The following CTSF variants were observed in gnomAD, a reference collection of about 807,000 sequenced individuals.
CTSF encodes the protein cathepsin F.
A neutral mutation model predicts 63.5 loss-of-function variants in CTSF; 65 were observed. The observed-to-expected ratio is 1.02, with a 90% CI of 0.84 to 1.26. The LOEUF is 1.26. Among genes scored for constraint, CTSF ranks in the 50% most tolerant of loss-of-function variants. The probability of loss-of-function intolerance (pLI) is 0.00; values close to 1 mark genes in which losing one functional copy is unlikely to be tolerated. For synonymous variants in CTSF, 256 were observed against 258.1 expected (o/e 0.99, Z 0.08); for missense variants, 641 against 631.0 (o/e 1.02, Z -0.17).
chr11:66,568,298 G>A lies in CTSF; in HGVS notation c.189C>T (p.Gly63=). 7.3e-7 allele frequency: 1 copy of A among 1,365,524 alleles called. No homozygotes were observed. The highest frequency in any genetic ancestry group is 9.3e-7 in the Non-Finnish European group (1 of 1,071,082). The allele number at this position is 1,365,524 out of a possible 1,614,324, so 84.6% of individuals were successfully genotyped here. The stretch of plus-strand genomic sequence containing the variant: ...CCCGGCGGACGCGGCCGCGCACAAG[G>A]CCCAGCACGGCCCGCGTCCCCGCAG... The part of the protein sequence containing the change: ...GRAAGTRAVL[G]LVRGRVRRAG... Residue 63 remains glycine, a synonymous_variant, in exon 1 of 13, where the codon GGC becomes GGT. Transcript: ENST00000310325.
Position 66,567,436 on chromosome 11 carries a change from C to A in CTSF, c.531+8G>T. The A allele has an allele frequency of 6.2e-7, 1 of 1,612,338 alleles. No homozygotes were observed. Reference sequence around the variant, plus strand: ...AGCTGAGGGCTCCTCAAGCTGAGGGCTCCTCACCTGGGACAGGGGATCCTC... The same window carrying A: ...AGCTGAGGGCTCCTCAAGCTGAGGGATCCTCACCTGGGACAGGGGATCCTC... On this transcript the variant is annotated splice_region_variant and intron_variant, in intron 3 of 12. Coordinates refer to ENST00000310325, the MANE Select transcript of CTSF (RefSeq NM_003793.4).
In CTSF at chr11:66,565,945, A is replaced by T. The variant is rs201489835; in HGVS notation, c.868-18T>A. The T allele has an allele frequency of 6.2e-7, 1 of 1,614,106 alleles. No individual in the cohort carries two copies. Among genetic ancestry groups the T allele is most frequent in the East Asian group, 2.2e-5 (1 of 44,878 alleles). On this transcript the variant is annotated intron_variant, in intron 6 of 12. Transcript: ENST00000310325. ...CACATGCCCTACAAGAGATGGGTGGAGTTGGAGTCAGAGCCGGGCCCCTTC... is the reference window on the plus strand; with the variant it reads ...CACATGCCCTACAAGAGATGGGTGGTGTTGGAGTCAGAGCCGGGCCCCTTC...
chr11:66,564,299 G>A (rs1857877390), intron 11 of CTSF, 153 bp from the exon 12 acceptor site: 3 of 1,025,346 alleles, frequency 2.9e-6, no homozygotes, highest in South Asian at 3.2e-5. Context: ...ACCAGCCTCA[G>A]GGAGAAGCCC....
Position 66,564,548 on chromosome 11 carries a change from CG to C in CTSF, c.1321+9del. ...GCCTGGCTGGATGCAGGACAGGCAG[CG>C]GAACTCACGGTTGCCGTAGCCCACA... On this transcript the variant is annotated intron_variant, in intron 11 of 12. Coordinates refer to ENST00000310325, the MANE Select transcript of CTSF (RefSeq NM_003793.4). The C allele has an allele frequency of 6.5e-7, 1 of 1,540,994 alleles. No homozygotes were observed. Among genetic ancestry groups the C allele is most frequent in the South Asian group, 1.2e-5 (1 of 82,580 alleles).
rs1462090273 is a variant in CTSF, at chr11:66,563,992, G to A, written c.1396C>T (p.His466Tyr). Reference sequence around the variant, plus strand: ...ACGCCACAGGCCCCGGACCCACGATGCAAGTAGTAGTAACCCTGGGGGAGA... The same window carrying A: ...ACGCCACAGGCCCCGGACCCACGATACAAGTAGTAGTAACCCTGGGGGAGA... ...DWGEKGYYYL[H>Y]RGSGACGVNT... The change falls in exon 13 of 13, where the codon CAT becomes TAT. Residue 466 changes from histidine to tyrosine, a missense_variant. Transcript: ENST00000310325. The A allele has an allele frequency of 1.2e-6, 2 of 1,613,864 alleles. No homozygotes were observed. The highest frequency in any genetic ancestry group is 8.5e-7 in the Non-Finnish European group (1 of 1,180,008).
In CTSF at chr11:66,564,133, G is replaced by A; in HGVS notation, c.1335C>T (p.Pro445=). The A allele has an allele frequency of 6.2e-7, 1 of 1,612,444 alleles. No individual in the cohort carries two copies. Among genetic ancestry groups the A allele is most frequent in the Non-Finnish European group, 8.5e-7 (1 of 1,179,344 alleles). Residue 445 remains proline (P), a synonymous_variant, in exon 12 of 13, where the codon CCC becomes CCT. Transcript: ENST00000310325. ...CCCAGCTGTTCTTGATGGCCCAAAA[G>A]GGAACGTCAGAGCCTGGGGTGCAGT... ...LVGYGNRSDV[P]FWAIKNSWGT...
Position 66,564,824 on chromosome 11 carries a change from G to A in CTSF, c.1166-18C>T. ...TGCCAGCTCTGAGATGGGAAGGGGT[G>A]GCATCAGTAGGCACCCAGGCCCCGG... On this transcript the variant is annotated intron_variant, in intron 9 of 12. Coordinates refer to ENST00000310325, the MANE Select transcript of CTSF (RefSeq NM_003793.4). The A allele has an allele frequency of 3.7e-6, 6 of 1,614,048 alleles. No homozygotes were observed. Among genetic ancestry groups the A allele is most frequent in the Non-Finnish European group, 5.1e-6 (6 of 1,179,990 alleles).
At position 66,565,871 on chromosome 11, in the gene CTSF, C is replaced by A; in HGVS notation, c.924G>T (p.Trp308Cys). ...FSVTGNVEGQWFLNQGTLLSL... is the reference protein window; with the variant it reads ...FSVTGNVEGQCFLNQGTLLSL... ...AGAGCAGGGTCCCCTGGTTGAGAAA[C>A]CACTGGCCCTCCACATTGCCTGTGA... Residue 308 changes from tryptophan to cysteine, a missense_variant, in exon 7 of 13, where the codon TGG becomes TGT. By Grantham distance (215) the Trp-to-Cys change is radical. Transcript: ENST00000310325. The A allele has an allele frequency of 1.2e-6, 2 of 1,614,032 alleles. No homozygotes were observed. Among genetic ancestry groups the A allele is most frequent in the Non-Finnish European group, 8.5e-7 (1 of 1,180,028 alleles).
At chr11:66,566,438 A>AC in intron 4 of CTSF, 34 bp from the exon 5 acceptor site, 24 of 1,602,780 alleles carry the variant, frequency 1.5e-5, no homozygotes, top group Non-Finnish European at 2.0e-5. Context: ...GAGGGGTTCG[A>AC]CCCCAGGCAG....
chr11:66,567,811 C>T (rs1416663245), intron 2 of CTSF, 149 bp from the exon 3 acceptor site: 18 of 1,364,606 alleles, frequency 1.3e-5, no homozygotes, highest in Non-Finnish European at 1.8e-5. Flanking sequence ...CGGCCTGCAC[C>T]GGGGCATCCT....
In CTSF at chr11:66,567,563, T is replaced by C; in HGVS notation, c.412A>G (p.Lys138Glu). 1 of 1,614,194 alleles carries C rather than the reference T, an allele frequency of 6.2e-7. No homozygotes were observed. Among genetic ancestry groups the C allele is most frequent in the Non-Finnish European group, 8.5e-7 (1 of 1,180,038 alleles). ...GCTGAGCCCTGAGTGAAGGCTGACT[T>C]GGGCTCCCCAGCACCTGGAACCTTG... ...DTKVPGAGEP[K>E]SAFTQGSAMI... is the part of the protein sequence containing the mutation. The change falls in exon 3 of 13, where the codon AAG becomes GAG. Residue 138 changes from lysine to glutamate, a missense_variant. Physicochemically the swap from Lys to Glu is moderately conservative, Grantham distance 56 (BLOSUM62 1). Transcript: ENST00000310325.
At chr11:66,564,704 C>G (rs372771218) in intron 10 of CTSF, 38 bp downstream of exon 10, 1 of 1,613,080 alleles carries the variant, frequency 6.2e-7, no homozygotes, top group African/African-American at 1.3e-5. Context: ...GGGAGGTCAA[C>G]AAGAGATGGG....
Position 66,566,132 on chromosome 11 carries a change from GGA to G in CTSF, c.755_756del (p.Leu252ProfsTer17). 1 of 1,614,128 alleles carries G rather than the reference GGA, an allele frequency of 6.2e-7. No individual in the cohort carries two copies. The highest frequency in any genetic ancestry group is 8.5e-7 in the Non-Finnish European group (1 of 1,180,016). On this transcript the variant is annotated frameshift_variant, in exon 6 of 13. Transcript: ENST00000310325. LOFTEE classifies it high-confidence loss of function. ...EEFRTIYLNTLLRKEPGNKMK... is the reference protein window; with the variant it reads ...EEFRTIYLNTXLRKEPGNKMK... ...ATCTTGTTGCCAGGCTCTTTCCTCA[GGA>G]GAGTATTCAGGTAGATAGTGCGGAA...
At chr11:66,566,982 C>A (rs1288307227) in intron 4 of CTSF, among the ~76,000 whole-genome samples, 1 of 152,082 alleles carries the variant, frequency 6.6e-6, no homozygotes. Flanking sequence ...CCCACCTCGG[C>A]CTCCCAAAGT....
At position 66,563,948 on chromosome 11, in the gene CTSF, C is replaced by T. The variant is rs766132280; in HGVS notation, c.1440G>A (p.Ser480=). The T allele has an allele frequency of 7.4e-6, 12 of 1,613,156 alleles. No homozygotes were observed. The highest frequency in any genetic ancestry group is 1.3e-5 in the African/African-American group (1 of 75,052). Residue 480 remains serine, a synonymous_variant, in exon 13 of 13, where the codon TCG becomes TCA. Transcript: ENST00000310325. Reference sequence around the variant, plus strand: ...GGGCCCCTCTTCAGTCCACCACCGCCGAGCTGGCCATGGTGTTCACGCCAC... The same window carrying T: ...GGGCCCCTCTTCAGTCCACCACCGCTGAGCTGGCCATGGTGTTCACGCCAC... ...GACGVNTMAS[S]AVVD
intron 4 of CTSF, among the ~76,000 whole-genome samples, chr11:66,566,966 A>C (rs1255067377): frequency 6.6e-6 from 1 of 151,916 alleles, no homozygotes; most frequent in Admixed American, 6.6e-5. Flanking sequence ...GACCTCAGGT[A>C]ATCTGCCCAC....
At position 66,566,399 on chromosome 11, in the gene CTSF, G is replaced by A. The variant is rs568250930; in HGVS notation, c.613C>T (p.Arg205Trp). Residue 205 changes from arginine (R) to tryptophan (W), a missense_variant, in exon 5 of 13, where the codon CGG becomes TGG. Transcript: ENST00000310325. ...TTGACAAAGACGGACAGGCGCCACCGGGCTTCTGAGGACCAAGGAGCAGAA... is the reference window on the plus strand; with the variant it reads ...TTGACAAAGACGGACAGGCGCCACCAGGCTTCTGAGGACCAAGGAGCAGAA... ...NRTYESKEEA[R>W]WRLSVFVNNM... The A allele has an allele frequency of 1.9e-5, 31 of 1,613,836 alleles. No individual in the cohort carries two copies. Among genetic ancestry groups the A allele is most frequent in the South Asian group, 1.5e-4 (14 of 91,060 alleles).
chr11:66,564,822 G>T lies in CTSF; in HGVS notation c.1166-16C>A. 1 of 1,614,134 alleles carries T rather than the reference G, an allele frequency of 6.2e-7. No individual in the cohort carries two copies. Among genetic ancestry groups the T allele is most frequent in the Non-Finnish European group, 8.5e-7 (1 of 1,180,028 alleles). ...GCTGCCAGCTCTGAGATGGGAAGGG[G>T]TGGCATCAGTAGGCACCCAGGCCCC... On this transcript the variant is annotated splice_polypyrimidine_tract_variant and intron_variant, in intron 9 of 12. Transcript: ENST00000310325.
In CTSF at chr11:66,566,428, GA is replaced by G. The variant is rs1343586921; in HGVS notation, c.608-25del. 1.9e-6 allele frequency: 3 copies of G among 1,609,832 alleles called. No individual in the cohort carries two copies. In the East Asian group the frequency reaches 6.7e-5, roughly 36 times the overall value. On this transcript the variant is annotated intron_variant, in intron 4 of 12. Transcript: ENST00000310325. ...TTCTGAGGACCAAGGAGCAGAAGAG[GA>G]GGGGTTCGACCCCAGGCAGATAAAA...
Sources: gnomAD v4.1 joint callset for allele counts (sites outside exome capture counted in the v4.1 genomes callset) on GRCh38, gnomAD v4.1.1 for gene constraint, MANE v1.5 for transcripts, NCBI Gene and HGNC (gene_info 2026-07-23, HGNC 2026-07-21) for gene names.